The following MPZL3 variants were observed in gnomAD, a reference collection of about 807,000 sequenced individuals.
MPZL3 encodes myelin protein zero like 3.
MPZL3 carries 23 observed loss-of-function variants against 24.8 expected under a neutral mutation model. That is an observed-to-expected ratio of 0.93 (90% CI 0.67 to 1.31). The LOEUF is 1.31. Ranked by LOEUF, MPZL3 falls within the 40% of genes most tolerant of loss-of-function variation. The pLI is 0.00. For synonymous variants in MPZL3, 99 were observed against 106.5 expected (o/e 0.93, Z 0.44); for missense variants, 277 against 294.9 (o/e 0.94, Z 0.44).
intron 1 of MPZL3, among the ~76,000 whole-genome samples, chr11:118,242,938 C>A (rs909215849): frequency 1.3e-5 from 2 of 152,178 alleles, no homozygotes; most frequent in Non-Finnish European, 2.9e-5. Flanking sequence ...GGACAGGTCA[C>A]CAGAAATTCT....
At chr11:118,237,476 CT>C (rs900367619) in intron 2 of MPZL3, among the ~76,000 whole-genome samples, 1 of 152,076 alleles carries the variant, frequency 6.6e-6, no homozygotes, top group East Asian at 1.9e-4. Context: ...CCTTGAATCT[CT>C]TCTAAATTCT....
At chr11:118,231,544 C>T (rs1340597212) in intron 5 of MPZL3, among the ~76,000 whole-genome samples, 1 of 152,162 alleles carries the variant, frequency 6.6e-6, no homozygotes, top group Non-Finnish European at 1.5e-5. Flanking sequence ...TCCACACCCA[C>T]AACTGCCTAC....
intron 1 of MPZL3, among the ~76,000 whole-genome samples, chr11:118,251,113 G>A (rs1463898287): frequency 1.5e-5 from 2 of 133,840 alleles, no homozygotes; most frequent in African/African-American, 5.2e-5. Flanking sequence ...GTGTGTGTGT[G>A]TGTGTGAAAG....
chr11:118,237,011 CAG>C, intron 3 of MPZL3, 37 bp downstream of exon 3: 3 of 1,563,864 alleles, frequency 1.9e-6, no homozygotes, highest in Non-Finnish European at 2.6e-6. Flanking sequence ...ACAGCAGTCA[CAG>C]AGCACTGCAG....
chr11:118,235,414 C>A lies in MPZL3; in HGVS notation c.617+10G>T. 1.2e-6 allele frequency: 2 copies of A among 1,612,990 alleles called. No individual in the cohort carries two copies. Among genetic ancestry groups the A allele is most frequent in the East Asian group, 2.2e-5 (1 of 44,858 alleles). On this transcript the variant is annotated intron_variant, in intron 4 of 5. Coordinates refer to ENST00000278949, the MANE Select transcript of MPZL3 (RefSeq NM_198275.3). Reference sequence around the variant, plus strand: ...ACAGGCTTGCTGCCCAGGGCTCCTGCTGGACTTACTCATCGGAAACCTCAA... The same window carrying A: ...ACAGGCTTGCTGCCCAGGGCTCCTGATGGACTTACTCATCGGAAACCTCAA...
chr11:118,240,749 ACACACAC>A, intron 1 of MPZL3, among the ~76,000 whole-genome samples: 1 of 135,902 alleles, frequency 7.4e-6, no homozygotes, highest in Non-Finnish European at 1.5e-5. Context: ...ACACACACAC[ACACACAC>A]ACACACACAC....
intron 1 of MPZL3, among the ~76,000 whole-genome samples, chr11:118,245,696 G>A (rs1180748101): frequency 6.6e-6 from 1 of 152,168 alleles, no homozygotes; most frequent in African/African-American, 2.4e-5. Flanking sequence ...TAGTGGAAAG[G>A]GAACAAACTA....
At position 118,235,507 on chromosome 11, in the gene MPZL3, C is replaced by A; in HGVS notation, c.534G>T (p.Leu178=). 1 of 1,613,970 alleles carries A rather than the reference C, an allele frequency of 6.2e-7. No homozygotes were observed. The change falls in exon 4 of 6, where the codon CTG becomes CTT. Residue 178 remains leucine (L), a synonymous_variant. Transcript: ENST00000278949. The part of the protein sequence containing the change: ...VPSAVVVALL[L]VRMGRKAAGL... ...CAGCAGCCTTCCTCCCCATTCTCACCAGCAGCAGAGCAACCACCACGGCTG... is the reference window on the plus strand; with the variant it reads ...CAGCAGCCTTCCTCCCCATTCTCACAAGCAGCAGAGCAACCACCACGGCTG...
intron 1 of MPZL3, among the ~76,000 whole-genome samples, chr11:118,242,940 A>G (rs1302071424): frequency 6.6e-6 from 1 of 152,248 alleles, no homozygotes; most frequent in Non-Finnish European, 1.5e-5. Flanking sequence ...ACAGGTCACC[A>G]GAAATTCTAG....
chr11:118,239,648 A>G (rs1949468478), intron 2 of MPZL3, among the ~76,000 whole-genome samples: 1 of 152,206 alleles, frequency 6.6e-6, no homozygotes, highest in South Asian at 2.1e-4. Context: ...CCAATATTGC[A>G]AGACCATCTG....
chr11:118,242,734 C>T (rs929798123), intron 1 of MPZL3, among the ~76,000 whole-genome samples: 6 of 152,210 alleles, frequency 3.9e-5, no homozygotes, highest in African/African-American at 9.7e-5. Context: ...GCCCCCTTTG[C>T]GGTGCCTTCC....
chr11:118,245,318 G>A (rs1949546327), intron 1 of MPZL3, among the ~76,000 whole-genome samples: 1 of 152,134 alleles, frequency 6.6e-6, no homozygotes, highest in Non-Finnish European at 1.5e-5. Flanking sequence ...CTCCAGCTTG[G>A]GCAATAGAGC....
intron 5 of MPZL3, among the ~76,000 whole-genome samples, chr11:118,232,407 G>GT (rs1949365727): frequency 6.7e-6 from 1 of 149,868 alleles, no homozygotes; most frequent in Admixed American, 6.7e-5. Context: ...TAAAAACTTT[G>GT]TGAGTATTTG....
At chr11:118,244,330 T>A (rs1949532352) in intron 1 of MPZL3, among the ~76,000 whole-genome samples, 1 of 152,152 alleles carries the variant, frequency 6.6e-6, no homozygotes, top group Admixed American at 6.5e-5. Context: ...AATTAAGTAA[T>A]CATAAAGACA....
intron 1 of MPZL3, among the ~76,000 whole-genome samples, chr11:118,244,708 T>A (rs1296065142): frequency 6.6e-6 from 1 of 152,080 alleles, no homozygotes; most frequent in Non-Finnish European, 1.5e-5. Context: ...TCATCCTTAG[T>A]GTAATAGGAA....
At chr11:118,249,110 T>C (rs1392282572) in intron 1 of MPZL3, among the ~76,000 whole-genome samples, 1 of 152,180 alleles carries the variant, frequency 6.6e-6, no homozygotes, top group East Asian at 1.9e-4. Flanking sequence ...TGGCGTGATC[T>C]TGGCTCACTG....
At chr11:118,236,193 T>C (rs1347410308) in intron 3 of MPZL3, among the ~76,000 whole-genome samples, 1 of 152,208 alleles carries the variant, frequency 6.6e-6, no homozygotes, top group Admixed American at 6.5e-5. Context: ...CCAGCAAAAC[T>C]GTATCATTTT....
chr11:118,235,552 G>T lies in MPZL3; in HGVS notation c.489C>A (p.Ser163=), dbSNP rs572561189. Residue 163 remains serine, a synonymous_variant, in exon 4 of 6, where the codon TCC becomes TCA. Transcript: ENST00000278949. ...GTMLSSVALL[S]ILVFVPSAVV... ...CGGCTGAGGGCACAAAGACAAGGAT[G>T]GAAAGAAGGGCCACAGAGGAAAGCA... 8 of 1,613,938 alleles carry T rather than the reference G, an allele frequency of 5.0e-6. No homozygotes were observed. The South Asian group carries it at 8.8e-5, about 18-fold the overall frequency.
chr11:118,229,903 C>G lies in MPZL3; in HGVS notation c.699G>C (p.Glu233Asp). Residue 233 changes from glutamate to aspartate, a missense_variant, in exon 6 of 6, where the codon GAG becomes GAC. Glu to Asp is a conservative substitution (Grantham distance 45). Coordinates refer to ENST00000278949, the MANE Select transcript of MPZL3 (RefSeq NM_198275.3). ...GTCATACAGACTTTCATCAATATGT[C>G]TCTTCATAGTCTGAATCCTGGAGGG... ...CAECLDSDYE[E>D]TY 6.2e-7 allele frequency: 1 copy of G among 1,613,440 alleles called. No homozygotes were observed. The highest frequency in any genetic ancestry group is 8.5e-7 in the Non-Finnish European group (1 of 1,179,690).
Sources: gnomAD v4.1 joint callset for allele counts (sites outside exome capture counted in the v4.1 genomes callset) on GRCh38, gnomAD v4.1.1 for gene constraint, MANE v1.5 for transcripts, NCBI Gene and HGNC (gene_info 2026-07-23, HGNC 2026-07-21) for gene names.